The following CNGA3 variants were observed in gnomAD, a reference collection of about 807,000 sequenced individuals.
CNGA3 encodes the protein cyclic nucleotide-gated channel alpha-3.
Under a neutral mutation model 46.6 loss-of-function variants are expected in CNGA3, and 42 were observed. The ratio of observed to expected loss-of-function variants is 0.90; its 90% CI spans 0.70 to 1.17. The LOEUF (loss-of-function observed/expected upper bound fraction) is 1.17. Ranked by LOEUF, CNGA3 falls within the 50% of genes most tolerant of loss-of-function variation. CNGA3 has a pLI of 0.00. For synonymous variants in CNGA3, 394 were observed against 369.4 expected, an observed-to-expected ratio of 1.07 and a Z score of -0.76; for missense variants, 893 against 890.7, an observed-to-expected ratio of 1.00 and a Z score of -0.03.
intron 3 of CNGA3, chr2:98,378,201 G>A (rs760393984): frequency 1.3e-6 from 2 of 1,549,980 alleles, no homozygotes; most frequent in Non-Finnish European, 1.7e-6. Flanking sequence ...TCTCCCGGGT[G>A]CTCGTCTGGA....
At chr2:98,350,786 A>G (rs1691753811) in intron 1 of CNGA3, 1 of 152,206 alleles carries the variant, frequency 6.6e-6, no homozygotes, top group Non-Finnish European at 1.5e-5. Flanking sequence ...CTTCTCAGAC[A>G]GGAATTGAAA....
intron 2 of CNGA3, among the ~76,000 whole-genome samples, chr2:98,375,087 T>C (rs1295891134): frequency 1.3e-5 from 2 of 152,220 alleles, no homozygotes; most frequent in Non-Finnish European, 2.9e-5. Context: ...TGAGTGGGCA[T>C]CATAGATCCC....
rs370346780 is a variant in CNGA3 at position 98,392,594 on chromosome 2, GAAAAA to G, written c.673+629_673+633del. ...AAAAAAAAAAGAAAAGAAAAGAAAA[GAAAAA>G]AAAAGAAAAGAAGTAAGCAGGCCGG... On this transcript the variant is annotated intron_variant, in intron 7 of 7. Transcript: ENST00000272602. Among the ~76,000 whole-genome samples the G allele has an allele frequency of 1.4e-3, 213 of 150,540 alleles. 1 individual carries two copies. Among genetic ancestry groups the G allele is most frequent in the African/African-American group, 4.9e-3 (201 of 40,980 alleles).
chr2:98,377,867 T>A (rs942302810), intron 3 of CNGA3, 67 bp downstream of exon 3: 2 of 1,459,704 alleles, frequency 1.4e-6, no homozygotes, highest in East Asian at 4.8e-5. Flanking sequence ...GGTAGTGACC[T>A]CTCAGGAAAA....
In CNGA3 at chr2:98,380,311, C is replaced by T. The variant is rs774008890; in HGVS notation, c.352C>T (p.Gln118Ter). The change falls in exon 4 of 8, where the codon CAG becomes TAG. Residue 118 changes from glutamine (Q) to a stop codon, truncating the protein, a stop_gained. Coordinates refer to ENST00000272602, the MANE Select transcript of CNGA3 (RefSeq NM_001298.3). LOFTEE classifies it high-confidence loss of function. Reference sequence around the variant, plus strand: ...GGTGTCCAGCCAAGAAAGCAATGCCCAGGCAAATGTGGGCAGCCAGGAGCC... The same window carrying T: ...GGTGTCCAGCCAAGAAAGCAATGCCTAGGCAAATGTGGGCAGCCAGGAGCC... ...KEVSSQESNA[Q>*]ANVGSQEPAD... The T allele has an allele frequency of 1.2e-6, 2 of 1,614,170 alleles. No homozygotes were observed. The highest frequency in any genetic ancestry group is 1.7e-6 in the Non-Finnish European group (2 of 1,180,020).
intron 1 of CNGA3, among the ~76,000 whole-genome samples, chr2:98,351,834 A>G (rs1295293873): frequency 6.6e-6 from 1 of 152,214 alleles, no homozygotes; most frequent in African/African-American, 2.4e-5. Context: ...TTTTGATTTT[A>G]GATTTAAAAT....
In CNGA3 at chr2:98,396,317, G is replaced by C. The variant is rs377737921; in HGVS notation, c.1147G>C (p.Val383Leu). The change falls in exon 8 of 8, where the codon GTA (valine) becomes CTA (leucine). Residue 383 changes from valine (V) to leucine (L), a missense_variant. Physicochemically the swap from Val to Leu is conservative, Grantham distance 32. Coordinates refer to ENST00000272602, the MANE Select transcript of CNGA3 (RefSeq NM_001298.3). ...VKDEEYLFVVVDFLVGVLIFA... is the reference protein window; with the variant it reads ...VKDEEYLFVVLDFLVGVLIFA... ...AGATGAGGAGTATCTCTTTGTGGTC[G>C]TAGACTTCTTGGTGGGTGTTCTGAT... The C allele has an allele frequency of 2.4e-5, 38 of 1,611,368 alleles. No individual in the cohort carries two copies. The highest frequency in any genetic ancestry group is 5.4e-5 in the African/African-American group (4 of 74,760).
At chr2:98,368,377 T>C (rs1297948647) in intron 1 of CNGA3, among the ~76,000 whole-genome samples, 4 of 152,226 alleles carry the variant, frequency 2.6e-5, no homozygotes, top group African/African-American at 9.6e-5. Flanking sequence ...ACTTAAACGA[T>C]GTGGCTGCTC....
intron 1 of CNGA3, among the ~76,000 whole-genome samples, chr2:98,367,178 TTTTTTTC>T (rs1692177546): frequency 7.9e-6 from 1 of 126,266 alleles, no homozygotes; most frequent in African/African-American, 2.9e-5. Context: ...TTTTTTTTCT[TTTTTTTC>T]TTTTTTTTTT....
rs748831751 is a variant in CNGA3 at position 98,395,968 on chromosome 2, G to C, written c.798G>C (p.Val266=). ...CCACCGACCTGGCTTACTTAAAGGT[G>C]GGCACAAACTACCCAGAAGTGAGGT... is the stretch of plus-strand genomic sequence containing the variant. ...LVPTDLAYLK[V]GTNYPEVRFN... is the part of the protein sequence containing the mutation. The change falls in exon 8 of 8, where the codon GTG becomes GTC. Residue 266 remains valine, a synonymous_variant. Coordinates refer to ENST00000272602, the MANE Select transcript of CNGA3 (RefSeq NM_001298.3). 3.7e-6 allele frequency: 6 copies of C among 1,614,050 alleles called. No homozygotes were observed. In the South Asian group the frequency reaches 6.6e-5, roughly 18 times the overall value.
At chr2:98,383,521 C>T (rs879000482) in intron 5 of CNGA3, 80 bp downstream of exon 5, 2 of 1,293,290 alleles carry the variant, frequency 1.5e-6, no homozygotes, top group South Asian at 1.2e-5. Flanking sequence ...TGGCCTCTCT[C>T]CTTAGTGCTC....
At chr2:98,350,720 A>C (rs566712859) in intron 1 of CNGA3, 2 of 152,216 alleles carry the variant, frequency 1.3e-5, no homozygotes, top group South Asian at 4.1e-4. Context: ...ATCCAATTTC[A>C]GTGCATTTTC....
intron 7 of CNGA3, among the ~76,000 whole-genome samples, chr2:98,394,858 T>TA (rs1364956731): frequency 6.6e-6 from 1 of 152,218 alleles, no homozygotes; most frequent in Non-Finnish European, 1.5e-5. Context: ...TACTTTATCT[T>TA]ACGTAAAATG....
chr2:98,376,433 C>G (rs1226622324), intron 2 of CNGA3, among the ~76,000 whole-genome samples: 1 of 151,956 alleles, frequency 6.6e-6, no homozygotes, highest in African/African-American at 2.4e-5. Flanking sequence ...TACCTGACTC[C>G]CGGTGGTTCC....
intron 1 of CNGA3, among the ~76,000 whole-genome samples, chr2:98,360,658 T>C (rs756539974): frequency 6.6e-6 from 1 of 152,186 alleles, no homozygotes; most frequent in Non-Finnish European, 1.5e-5. Context: ...TCTAAAAACA[T>C]ATAAACATTC....
chr2:98,391,244 T>C (rs1316280790), intron 6 of CNGA3, among the ~76,000 whole-genome samples: 2 of 151,904 alleles, frequency 1.3e-5, no homozygotes, highest in Non-Finnish European at 2.9e-5. Flanking sequence ...GCAGACAGGA[T>C]GGGGTGCTTG....
In CNGA3 at chr2:98,380,410, G is replaced by A; in HGVS notation, c.395+56G>A. The A allele has an allele frequency of 5.7e-6, 9 of 1,574,688 alleles. No homozygotes were observed. The South Asian group carries it at 1.0e-4, about 18-fold the overall frequency. On this transcript the variant is annotated intron_variant, in intron 4 of 7. Coordinates refer to ENST00000272602, the MANE Select transcript of CNGA3 (RefSeq NM_001298.3). The stretch of plus-strand genomic sequence containing the variant: ...GGTGCCTGCTGGGGCCAGGCAGGAA[G>A]CCTGTGCTTTGCTCCATCCTGTTTG...
rs1455338995 is a variant in CNGA3 at position 98,396,631 on chromosome 2, G to A, written c.1461G>A (p.Glu487=). The A allele has an allele frequency of 6.2e-7, 1 of 1,614,152 alleles. No homozygotes were observed. The highest frequency in any genetic ancestry group is 8.5e-7 in the Non-Finnish European group (1 of 1,180,012). The part of the protein sequence containing the change: ...LKKVRIFQDC[E]AGLLVELVLK... ...AGGTTCGCATCTTCCAGGACTGTGAGGCAGGGCTGCTGGTGGAGCTGGTGC... is the reference window on the plus strand; with the variant it reads ...AGGTTCGCATCTTCCAGGACTGTGAAGCAGGGCTGCTGGTGGAGCTGGTGC... The change falls in exon 8 of 8, where the codon GAG becomes GAA. Residue 487 remains glutamate (E), a synonymous_variant. Transcript: ENST00000272602.
chr2:98,348,856 C>T (rs187829596), intron 1 of CNGA3, among the ~76,000 whole-genome samples: 26 of 152,264 alleles, frequency 1.7e-4, no homozygotes, highest in Non-Finnish European at 3.2e-4. Context: ...TACCAGGTGG[C>T]CTGCATTCCG....
Sources: allele counts gnomAD v4.1 joint callset (sites outside exome capture counted in the v4.1 genomes callset), GRCh38; gene constraint gnomAD v4.1.1; transcripts MANE v1.5; gene names NCBI Gene and HGNC (gene_info 2026-07-23, HGNC 2026-07-21).